Variants in PARVB observed in about 807,000 individuals in gnomAD.
PARVB encodes parvin beta.
PARVB carries 46 observed loss-of-function variants against 47.0 expected under a neutral mutation model. That is an observed-to-expected ratio of 0.98 (90% CI 0.77 to 1.25). The LOEUF (loss-of-function observed/expected upper bound fraction) is 1.25, where lower values mean the gene tolerates loss of function less well. PARVB is among the 50% of genes most tolerant of loss of function. The pLI is 0.00. For synonymous variants in PARVB, 196 were observed against 196.3 expected, an observed-to-expected ratio of 1.00 and a Z score of 0.01; for missense variants, 473 against 471.6, an observed-to-expected ratio of 1.00 and a Z score of -0.03.
chr22:44,154,820 CTGTGTGG>C (rs966849546), intron 10 of PARVB, among the ~76,000 whole-genome samples: 13 of 121,464 alleles, frequency 1.1e-4, no homozygotes, highest in African/African-American at 4.3e-4. Flanking sequence ...TTTTTGTAGT[CTGTGTGG>C]TGTGTGTTGT....
rs1276927037 is a variant in PARVB, at chr22:44,061,451, CA to C, written c.113-32473del. ...ATCTCAAAAACAAAACAAAACAAAACAAAACAAAACAAACCAAAACAGTGAA... is the reference window on the plus strand; with the variant it reads ...ATCTCAAAAACAAAACAAAACAAAACAAACAAAACAAACCAAAACAGTGAA... On this transcript the variant is annotated intron_variant, in intron 1 of 12. Transcript: ENST00000338758. 2.0e-4 allele frequency among the ~76,000 whole-genome samples: 30 copies of C among 151,688 alleles called. No homozygotes were observed. In the South Asian group the frequency reaches 2.7e-3, roughly 14 times the overall value.
Position 44,069,093 on chromosome 22 carries a change from C to T in PARVB, c.113-24835C>T. ...GTCCCTATATGAACGGGGTGTGTGC[C>T]CGCCTGCCCTCCGACGTCCGCCGGC... On this transcript the variant is annotated intron_variant, in intron 1 of 12. Transcript: ENST00000338758. 9 of 1,610,314 alleles carry T rather than the reference C, an allele frequency of 5.6e-6. 1 individual carries two copies. In the South Asian group the frequency reaches 9.9e-5, roughly 18 times the overall value.
chr22:44,086,475 G>A (rs1030923348), intron 1 of PARVB, among the ~76,000 whole-genome samples: 8 of 152,150 alleles, frequency 5.3e-5, no homozygotes, highest in African/African-American at 1.9e-4. Context: ...GTAACCTCCT[G>A]GGGAGGGCCA....
intron 1 of PARVB, among the ~76,000 whole-genome samples, chr22:44,066,857 T>C (rs2051547269): frequency 7.3e-6 from 1 of 137,466 alleles, no homozygotes; most frequent in South Asian, 2.4e-4. Context: ...TCTTCTTCCT[T>C]TTTTTTCTTC....
At chr22:44,162,279 C>T (rs2054070025) in intron 11 of PARVB, among the ~76,000 whole-genome samples, 1 of 152,202 alleles carries the variant, frequency 6.6e-6, no homozygotes, top group Non-Finnish European at 1.5e-5. Context: ...TCATTGGCCT[C>T]AAAATCATGA....
chr22:44,157,947 C>T, intron 10 of PARVB, 35 bp from the exon 11 acceptor site: 2 of 1,511,748 alleles, frequency 1.3e-6, no homozygotes, highest in Non-Finnish European at 1.8e-6. Context: ...CAACTCCTTA[C>T]CCTGCCCGGA....
At chr22:44,014,159 A>G (rs2050553494) in intron 2 of PARVB, among the ~76,000 whole-genome samples, 2 of 152,208 alleles carry the variant, frequency 1.3e-5, no homozygotes, top group African/African-American at 2.4e-5. Flanking sequence ...CAGAGGAACA[A>G]TGTTTCCGTT....
intron 4 of PARVB, among the ~76,000 whole-genome samples, chr22:44,123,898 G>C (rs535787112): frequency 5.9e-5 from 9 of 152,376 alleles, no homozygotes; most frequent in African/African-American, 2.2e-4. Flanking sequence ...TACGTGGATG[G>C]AGCCCCTGGC....
chr22:44,146,874 A>G (rs1041136438), intron 8 of PARVB: 1 of 152,468 alleles, frequency 6.6e-6, no homozygotes, highest in East Asian at 1.9e-4. Context: ...TCCTCTGAAC[A>G]TGCTCTGCCT....
intron 3 of PARVB, among the ~76,000 whole-genome samples, chr22:44,117,321 A>G (rs1374770053): frequency 2.0e-5 from 3 of 151,152 alleles, no homozygotes; most frequent in Non-Finnish European, 3.0e-5. Flanking sequence ...GGATCCCCCA[A>G]AGGAGGCTGT....
At chr22:44,004,134 A>G (rs2050439943) in intron 2 of PARVB, among the ~76,000 whole-genome samples, 1 of 152,174 alleles carries the variant, frequency 6.6e-6, no homozygotes, top group South Asian at 2.1e-4. Flanking sequence ...CTTGAGTGAG[A>G]AAAAAACAAT....
At chr22:44,018,749 A>C (rs1028778925) in intron 2 of PARVB, among the ~76,000 whole-genome samples, 1 of 151,992 alleles carries the variant, frequency 6.6e-6, no homozygotes, top group Non-Finnish European at 1.5e-5. Context: ...CAGACTCCTG[A>C]CCTGGGTGCT....
In PARVB at chr22:44,168,874, T is replaced by G. The variant is rs1234408936; in HGVS notation, c.*196T>G. On this transcript the variant is annotated 3_prime_UTR_variant, in exon 13 of 13. Coordinates refer to ENST00000338758, the MANE Select transcript of PARVB (RefSeq NM_013327.5). ...GTTGTTGTTCTTAATCTCCTCTCCA[T>G]GTAGTTCCCAGTGGGCAAGAGCCTT... 1.8e-6 allele frequency: 1 copy of G among 547,978 alleles called. No homozygotes were observed. The highest frequency in any genetic ancestry group is 3.2e-6 in the Non-Finnish European group (1 of 309,364). 33.9% of individuals were successfully genotyped at this position (547,978 alleles called of 1,614,324 possible). A position where few individuals can be genotyped will look rare whatever the true frequency, so the allele number is the denominator to read the frequency against.
At chr22:44,086,660 C>T in intron 1 of PARVB, 1 of 683,576 alleles carries the variant, frequency 1.5e-6, no homozygotes, top group Non-Finnish European at 1.8e-6. Flanking sequence ...ATTTAGATCT[C>T]ACTTAGGTCT....
chr22:44,076,989 C>T (rs76606431), intron 1 of PARVB, among the ~76,000 whole-genome samples: 1,711 of 152,260 alleles, frequency 0.011, 21 homozygotes, highest in Non-Finnish European at 0.017. Flanking sequence ...GGCCTGGGTC[C>T]CCCTTTGGTT....
intron 6 of PARVB, among the ~76,000 whole-genome samples, chr22:44,134,862 T>C (rs1038555840): frequency 1.3e-5 from 2 of 152,244 alleles, no homozygotes; most frequent in African/African-American, 4.8e-5. Flanking sequence ...AAGATTTTAC[T>C]ACAAACCTGT....
intron 3 of PARVB, among the ~76,000 whole-genome samples, chr22:44,102,518 T>C (rs1174423857): frequency 6.6e-6 from 1 of 152,130 alleles, no homozygotes. Context: ...AGCTGTGTCA[T>C]TCTTGCTTCC....
chr22:44,086,255 A>G (rs1366970131), intron 1 of PARVB, among the ~76,000 whole-genome samples: 1 of 152,196 alleles, frequency 6.6e-6, no homozygotes, highest in Non-Finnish European at 1.5e-5. Flanking sequence ...AACAAACTAC[A>G]TCTGCCACTT....
chr22:44,101,658 G>C (rs2052450878), intron 3 of PARVB, among the ~76,000 whole-genome samples: 1 of 150,102 alleles, frequency 6.7e-6, no homozygotes, highest in South Asian at 2.1e-4. Context: ...GGCTGAGGCA[G>C]AATTGCTTGA....
Sources: gnomAD v4.1 joint callset for allele counts (sites outside exome capture counted in the v4.1 genomes callset) on GRCh38, gnomAD v4.1.1 for gene constraint, MANE v1.5 for transcripts, NCBI Gene and HGNC (gene_info 2026-07-23, HGNC 2026-07-21) for gene names.